COMMD1: variants seen among roughly 807,000 people sequenced by gnomAD.
COMMD1 encodes copper metabolism domain containing 1.
Under a neutral mutation model 17.2 loss-of-function variants are expected in COMMD1, and 10 were observed. The observed-to-expected ratio is 0.58, with a 90% CI of 0.36 to 0.99. COMMD1 has a LOEUF of 0.99. Among genes scored for constraint, COMMD1 ranks in the 50% least tolerant of loss-of-function variants. COMMD1 has a pLI of 0.01. For synonymous variants in COMMD1, 97 were observed against 91.6 expected (o/e 1.06, Z -0.34); for missense variants, 270 against 231.8 (o/e 1.17, Z -1.07).
At chr2:62,009,466 A>G (rs919682630) in intron 2 of COMMD1, among the ~76,000 whole-genome samples, 4 of 152,034 alleles carry the variant, frequency 2.6e-5, no homozygotes, top group Admixed American at 6.6e-5. Context: ...TTTGCCAGGC[A>G]TAGTGGCACA....
intron 2 of COMMD1, among the ~76,000 whole-genome samples, chr2:62,131,327 A>G (rs1472417302): frequency 6.6e-6 from 1 of 152,158 alleles, no homozygotes; most frequent in Admixed American, 6.5e-5. Flanking sequence ...TTTACTGAAA[A>G]GAAGCTAGTT....
chr2:61,913,366 CAAAAAAAAA>C (rs767142777), intron 1 of COMMD1, among the ~76,000 whole-genome samples: 1 of 41,994 alleles, frequency 2.4e-5, no homozygotes, highest in African/African-American at 8.0e-5. Context: ...GACTCCATCT[CAAAAAAAAA>C]AAAAAAAAAA....
intron 2 of COMMD1, among the ~76,000 whole-genome samples, chr2:62,129,820 A>C (rs1471101595): frequency 2.6e-5 from 4 of 152,132 alleles, no homozygotes; most frequent in Non-Finnish European, 4.4e-5. Context: ...GGTTATTTTA[A>C]GCATATGAAA....
chr2:62,035,993 G>A (rs1249883824), intron 2 of COMMD1, among the ~76,000 whole-genome samples: 2 of 151,886 alleles, frequency 1.3e-5, no homozygotes, highest in East Asian at 3.9e-4. Flanking sequence ...GGCGGAGGCT[G>A]CATTGAGTCA....
intron 1 of COMMD1, among the ~76,000 whole-genome samples, chr2:61,985,446 G>A (rs1387109678): frequency 6.6e-6 from 1 of 152,056 alleles, no homozygotes; most frequent in African/African-American, 2.4e-5. Flanking sequence ...TCTTTTGATT[G>A]GAGAGTTTGG....
intron 2 of COMMD1, among the ~76,000 whole-genome samples, chr2:62,023,372 A>G (rs1669665881): frequency 6.6e-6 from 1 of 152,200 alleles, no homozygotes; most frequent in South Asian, 2.1e-4. Context: ...AATCCAAAAC[A>G]AAGAGAAAAA....
intron 1 of COMMD1, among the ~76,000 whole-genome samples, chr2:61,986,552 G>C (rs926907831): frequency 1.4e-5 from 2 of 144,526 alleles, no homozygotes; most frequent in African/African-American, 2.6e-5. Context: ...AAATAATCTC[G>C]TAGGCATCAT....
chr2:62,106,987 C>T, intron 2 of COMMD1, among the ~76,000 whole-genome samples: 1 of 152,174 alleles, frequency 6.6e-6, no homozygotes, highest in East Asian at 1.9e-4. Context: ...CTACCATGCT[C>T]ATTCATTCCC....
chr2:62,040,203 T>C (rs967774382), intron 2 of COMMD1, among the ~76,000 whole-genome samples: 1 of 152,174 alleles, frequency 6.6e-6, no homozygotes, highest in African/African-American at 2.4e-5. Context: ...TAGTTGGCCA[T>C]GATTGCATCA....
In COMMD1 at chr2:61,905,922, T is replaced by TC. The variant is rs996361598; in HGVS notation, c.180+71dup. The stretch of plus-strand genomic sequence containing the variant: ...CCCCTTGGCCGCTGGCTTCAGACTC[T>TC]CCCCCCCTTGCCTTCCCCTGTCCTC... On this transcript the variant is annotated intron_variant, in intron 1 of 2. Transcript: ENST00000311832. The TC allele has an allele frequency of 4.5e-5, 69 of 1,528,308 alleles. No homozygotes were observed. In the Middle Eastern group the frequency reaches 7.3e-4, roughly 16 times the overall value. 94.7% of individuals were successfully genotyped at this position (1,528,308 alleles called of 1,614,324 possible). A position where few individuals can be genotyped will look rare whatever the true frequency, so the allele number is the denominator to read the frequency against.
At chr2:62,086,070 G>A (rs1203631111) in intron 2 of COMMD1, among the ~76,000 whole-genome samples, 1 of 152,092 alleles carries the variant, frequency 6.6e-6, no homozygotes, top group Non-Finnish European at 1.5e-5. Flanking sequence ...GAGGGAAAAG[G>A]TGTGTGGGGG....
intron 2 of COMMD1, among the ~76,000 whole-genome samples, chr2:62,018,956 G>A (rs1303560808): frequency 6.6e-6 from 1 of 151,998 alleles, no homozygotes; most frequent in Non-Finnish European, 1.5e-5. Context: ...GAGAGCAGGA[G>A]CACTGTGTCC....
chr2:61,920,984 T>A lies in COMMD1; in HGVS notation c.180+15126T>A, dbSNP rs1301418910. On this transcript the variant is annotated intron_variant, in intron 1 of 2. Transcript: ENST00000311832. ...ATGTGTGTATATATATATATATATT[T>A]TTTTTTTTTTTGAGACAGAGCCTTA... Among the ~76,000 whole-genome samples, 506 of 100,772 alleles carry A rather than the reference T, an allele frequency of 5.0e-3. 2 individuals carry two copies. The highest frequency in any genetic ancestry group is 6.8e-3 in the East Asian group (21 of 3,110). 66.1% of individuals were successfully genotyped at this position (100,772 alleles called of 152,430 possible).
At chr2:61,931,308 T>C (rs1670461688) in intron 1 of COMMD1, among the ~76,000 whole-genome samples, 1 of 152,002 alleles carries the variant, frequency 6.6e-6, no homozygotes, top group Non-Finnish European at 1.5e-5. Flanking sequence ...TGAGACCTTG[T>C]CTCAAAAAAA....
intron 2 of COMMD1, among the ~76,000 whole-genome samples, chr2:62,087,117 C>G (rs887213908): frequency 2.6e-5 from 4 of 152,154 alleles, no homozygotes; most frequent in African/African-American, 9.7e-5. Context: ...GTCACTGCAC[C>G]TGGCTGATAT....
chr2:62,050,542 C>T (rs182710511), intron 2 of COMMD1, among the ~76,000 whole-genome samples: 2 of 152,316 alleles, frequency 1.3e-5, no homozygotes, highest in Admixed American at 1.3e-4. Context: ...AGTTTTCTCA[C>T]TTGTCTTCTC....
intron 2 of COMMD1, among the ~76,000 whole-genome samples, chr2:62,072,355 A>G (rs1226383034): frequency 2.0e-5 from 3 of 152,198 alleles, no homozygotes; most frequent in East Asian, 3.9e-4. Flanking sequence ...CCATGGACCA[A>G]TCAGCACTCA....
intron 2 of COMMD1, among the ~76,000 whole-genome samples, chr2:62,094,399 A>C (rs1342611640): frequency 6.6e-6 from 1 of 152,200 alleles, no homozygotes; most frequent in Admixed American, 6.5e-5. Flanking sequence ...TATAGCCCTC[A>C]GTCAAGGAGG....
intron 1 of COMMD1, among the ~76,000 whole-genome samples, chr2:61,925,907 C>A (rs567755760): frequency 1.6e-4 from 24 of 152,078 alleles, no homozygotes; most frequent in African/African-American, 5.8e-4. Flanking sequence ...TTACAAGAGT[C>A]CTGGATAGCT....
Sources: gnomAD v4.1 joint callset for allele counts (sites outside exome capture counted in the v4.1 genomes callset) on GRCh38, gnomAD v4.1.1 for gene constraint, MANE v1.5 for transcripts, NCBI Gene and HGNC (gene_info 2026-07-23, HGNC 2026-07-21) for gene names.